The following EYS variants were observed in gnomAD, a reference collection of about 807,000 sequenced individuals.
The protein encoded by EYS is protein eyes shut homolog.
Under a neutral mutation model 282.1 loss-of-function variants are expected in EYS, and 250 were observed. That is an observed-to-expected ratio of 0.89 (90% CI 0.80 to 0.98). EYS has a LOEUF of 0.98. Ranked by LOEUF, EYS falls within the 50% of genes least tolerant of loss-of-function variation. The pLI is 0.00. For synonymous variants in EYS, 1,355 were observed against 1,282.9 expected (o/e 1.06, Z -1.20); for missense variants, 4,016 against 3,709.0 (o/e 1.08, Z -2.15).
At chr6:65,526,050 CA>C (rs1408807656) in intron 2 of EYS, among the ~76,000 whole-genome samples, 28 of 152,090 alleles carry the variant, frequency 1.8e-4, no homozygotes, top group African/African-American at 6.5e-4. Context: ...AGTCCAAGGT[CA>C]GGGAGGCGTA....
intron 2 of EYS, among the ~76,000 whole-genome samples, chr6:65,540,689 C>A (rs193018760): frequency 6.6e-6 from 1 of 152,036 alleles, no homozygotes; most frequent in Non-Finnish European, 1.5e-5. Flanking sequence ...GAGGCCGAGG[C>A]GGGCAGATTA....
chr6:64,193,660 C>A (rs1465158587), intron 31 of EYS, among the ~76,000 whole-genome samples: 4 of 152,084 alleles, frequency 2.6e-5, no homozygotes, highest in Non-Finnish European at 5.9e-5. Context: ...CTACCCCCAC[C>A]CAATGACAGG....
chr6:65,703,459 A>G (rs1368096121), intron 1 of EYS, among the ~76,000 whole-genome samples: 1 of 152,076 alleles, frequency 6.6e-6, no homozygotes, highest in Non-Finnish European at 1.5e-5. Context: ...AAACCACTTT[A>G]ATGGTTGCAT....
chr6:65,363,415 T>C (rs1377196027), intron 8 of EYS, among the ~76,000 whole-genome samples: 1 of 151,976 alleles, frequency 6.6e-6, no homozygotes, highest in Non-Finnish European at 1.5e-5. Context: ...ATAACCAACA[T>C]TGACTCTACT....
Position 65,342,207 on chromosome 6 carries a change from A to G in EYS, c.1599+1831T>C, listed in dbSNP as rs1003631676. Among the ~76,000 whole-genome samples the G allele has an allele frequency of 2.0e-5, 3 of 150,504 alleles. No individual in the cohort carries two copies. The South Asian group carries it at 6.3e-4, about 32-fold the overall frequency. On this transcript the variant is annotated intron_variant, in intron 10 of 42. Transcript: ENST00000503581. The stretch of plus-strand genomic sequence containing the variant: ...TAAAAAGGACTCATGTAATTTTTAA[A>G]TAAATGACACTTCAGAAAAATTAGC...
intron 31 of EYS, among the ~76,000 whole-genome samples, chr6:64,193,026 G>A (rs187335333): frequency 6.6e-6 from 1 of 152,070 alleles, no homozygotes; most frequent in Non-Finnish European, 1.5e-5. Flanking sequence ...AATTCTTACA[G>A]ATTTAAAATA....
intron 12 of EYS, among the ~76,000 whole-genome samples, chr6:65,170,774 A>G (rs2150227239): frequency 1.3e-5 from 2 of 151,660 alleles, no homozygotes; most frequent in South Asian, 4.2e-4. Flanking sequence ...AGGAAATAGA[A>G]ATCAATGACA....
At chr6:64,549,832 C>A (rs1177188180) in intron 26 of EYS, among the ~76,000 whole-genome samples, 2 of 151,574 alleles carry the variant, frequency 1.3e-5, no homozygotes, top group African/African-American at 2.4e-5. Context: ...GTGTGCTGCA[C>A]CCATTAACTC....
intron 32 of EYS, among the ~76,000 whole-genome samples, chr6:64,070,094 G>A (rs1431443694): frequency 6.6e-6 from 1 of 151,968 alleles, no homozygotes; most frequent in Non-Finnish European, 1.5e-5. Flanking sequence ...GGGAAGAGGA[G>A]GAACATTTTC....
intron 12 of EYS, among the ~76,000 whole-genome samples, chr6:65,247,586 G>C (rs149317866): frequency 1.3e-3 from 201 of 152,158 alleles, no homozygotes; most frequent in African/African-American, 4.6e-3. Flanking sequence ...TATTTGAAGA[G>C]AGAATAAAGT....
intron 7 of EYS, 111 bp from the exon 8 acceptor site, chr6:65,384,611 T>C: frequency 4.7e-6 from 3 of 643,364 alleles, no homozygotes; most frequent in Non-Finnish European, 8.2e-6. Context: ...TATGGTATTA[T>C]TAATCATTTT....
At chr6:63,965,781 C>T (rs902738767) in intron 35 of EYS, among the ~76,000 whole-genome samples, 5 of 152,064 alleles carry the variant, frequency 3.3e-5, no homozygotes, top group African/African-American at 1.2e-4. Context: ...GGGAACGGCT[C>T]ATTATAACCA....
intron 22 of EYS, among the ~76,000 whole-genome samples, chr6:64,803,098 G>A (rs1764307651): frequency 1.3e-5 from 2 of 152,176 alleles, no homozygotes; most frequent in Admixed American, 1.3e-4. Flanking sequence ...ATGCCATGTG[G>A]TCCTCAGAAG....
At chr6:65,357,375 C>T (rs1225507918) in intron 8 of EYS, among the ~76,000 whole-genome samples, 1 of 151,812 alleles carries the variant, frequency 6.6e-6, no homozygotes, top group Non-Finnish European at 1.5e-5. Context: ...TGTTCTTGTC[C>T]ATCGTCTATA....
Position 64,590,614 on chromosome 6 carries a change from T to G in EYS, c.5253A>C (p.Gln1751His). The G allele has an allele frequency of 6.4e-7, 1 of 1,551,260 alleles. No individual in the cohort carries two copies. Among genetic ancestry groups the G allele is most frequent in the Non-Finnish European group, 8.7e-7 (1 of 1,146,728 alleles). The change falls in exon 26 of 43, where the codon CAA (glutamine) becomes CAC (histidine). Residue 1751 changes from glutamine (Q) to histidine (H), a missense_variant. Gln to His is a conservative substitution (Grantham distance 24, BLOSUM62 0). Transcript: ENST00000503581. ...DSSLDFELNL[Q>H]IYPDVTLKTY... ...TCTTTAAAGTAACATCCGGATAAAT[T>G]TGTAAGTTTAACTCAAAATCCAGAG...
intron 29 of EYS, among the ~76,000 whole-genome samples, chr6:64,348,262 G>T (rs1333414632): frequency 1.3e-5 from 2 of 151,254 alleles, no homozygotes; most frequent in Non-Finnish European, 3.0e-5. Flanking sequence ...TCTATTTATT[G>T]TTTACTGTTT....
At chr6:63,789,004 G>T in intron 38 of EYS, 54 bp downstream of exon 38, 1 of 1,517,058 alleles carries the variant, frequency 6.6e-7, no homozygotes, top group South Asian at 1.3e-5. Flanking sequence ...GCACAGATCT[G>T]ACAATATACT....
intron 15 of EYS, among the ~76,000 whole-genome samples, chr6:64,919,265 G>T (rs144431183): frequency 6.6e-6 from 1 of 151,998 alleles, no homozygotes; most frequent in Non-Finnish European, 1.5e-5. Flanking sequence ...TCTGCTGCCC[G>T]GGTTCAAGCG....
chr6:65,309,172 C>T (rs1164253297), intron 11 of EYS, among the ~76,000 whole-genome samples: 3 of 151,796 alleles, frequency 2.0e-5, no homozygotes, highest in Non-Finnish European at 4.4e-5. Flanking sequence ...GTCAGATTTC[C>T]TCAAATAAAT....
Sources: allele counts gnomAD v4.1 joint callset (sites outside exome capture counted in the v4.1 genomes callset), GRCh38; gene constraint gnomAD v4.1.1; transcripts MANE v1.5; gene names NCBI Gene and HGNC (gene_info 2026-07-23, HGNC 2026-07-21).